SCHIP1: variants seen among roughly 807,000 people sequenced by gnomAD.
The protein encoded by SCHIP1 is schwannomin interacting protein 1, also known as schwannomin-interacting protein 1.
SCHIP1 carries 8 observed loss-of-function variants against 29.7 expected under a neutral mutation model. The ratio of observed to expected loss-of-function variants is 0.27; its 90% confidence interval spans 0.16 to 0.49. SCHIP1 has a LOEUF of 0.49. Among genes scored for constraint, SCHIP1 ranks in the 20% least tolerant of loss-of-function variants. The pLI, the probability that SCHIP1 is intolerant of heterozygous loss-of-function variation, is 0.99. For synonymous variants in SCHIP1, 76 were observed against 94.9 expected (o/e 0.80, Z 1.16); for missense variants, 193 against 294.6 (o/e 0.66, Z 2.52).
chr3:159,450,305 A>C, the SCHIP1 span, among the ~76,000 whole-genome samples: 43 of 152,312 alleles, frequency 2.8e-4, 1 homozygote, highest in African/African-American at 9.9e-4. Context: ...TTCATCCGTA[A>C]GTTCTATTGC....
At chr3:159,585,619 C>T in the SCHIP1 span, among the ~76,000 whole-genome samples, 1 of 152,064 alleles carries the variant, frequency 6.6e-6, no homozygotes, top group Non-Finnish European at 1.5e-5. Context: ...ATTTAATTCT[C>T]CTAAGAAACT....
chr3:159,280,978 C>T, the SCHIP1 span, among the ~76,000 whole-genome samples: 4 of 152,182 alleles, frequency 2.6e-5, no homozygotes, highest in Admixed American at 1.3e-4. Context: ...GAGTAATCCA[C>T]GATTGCATGT....
At chr3:159,584,094 T>C in the SCHIP1 span, among the ~76,000 whole-genome samples, 1 of 152,184 alleles carries the variant, frequency 6.6e-6, no homozygotes, top group Non-Finnish European at 1.5e-5. Context: ...TCACTTAATA[T>C]TCTCCCCACT....
the SCHIP1 span, among the ~76,000 whole-genome samples, chr3:159,545,975 TTACA>T: frequency 1.3e-5 from 2 of 151,966 alleles, no homozygotes; most frequent in Non-Finnish European, 2.9e-5. Flanking sequence ...TGTAGAGGTG[TTACA>T]TATTTTATAA....
chr3:159,637,289 C>A, the SCHIP1 span, among the ~76,000 whole-genome samples: 4 of 151,932 alleles, frequency 2.6e-5, no homozygotes, highest in Non-Finnish European at 5.9e-5. Flanking sequence ...GAACTCAAGA[C>A]TTACTGTGGG....
the SCHIP1 span, among the ~76,000 whole-genome samples, chr3:159,655,163 A>G: frequency 2.0e-5 from 3 of 152,218 alleles, no homozygotes; most frequent in African/African-American, 7.2e-5. Context: ...TTTTATGAAA[A>G]TTGAATATAA....
the SCHIP1 span, among the ~76,000 whole-genome samples, chr3:159,761,907 A>G: frequency 6.6e-6 from 1 of 152,142 alleles, no homozygotes; most frequent in Non-Finnish European, 1.5e-5. Flanking sequence ...AGGAGGTCCT[A>G]ATATTCAAAA....
At chr3:159,729,252 T>C in the SCHIP1 span, among the ~76,000 whole-genome samples, 2 of 152,180 alleles carry the variant, frequency 1.3e-5, no homozygotes, top group South Asian at 4.1e-4. Context: ...AAATTACCTA[T>C]TTTTTCCAAG....
the SCHIP1 span, among the ~76,000 whole-genome samples, chr3:159,404,175 G>C: frequency 6.6e-6 from 1 of 152,142 alleles, no homozygotes; most frequent in African/African-American, 2.4e-5. Flanking sequence ...TCAGAGATGT[G>C]CTGGCTTCGT....
At chr3:159,626,513 A>T in the SCHIP1 span, among the ~76,000 whole-genome samples, 4 of 152,082 alleles carry the variant, frequency 2.6e-5, no homozygotes, top group African/African-American at 7.2e-5. Context: ...GCTCTCTATC[A>T]GTGGTCCAAC....
the SCHIP1 span, among the ~76,000 whole-genome samples, chr3:159,474,808 C>T: frequency 6.6e-6 from 1 of 152,104 alleles, no homozygotes; most frequent in African/African-American, 2.4e-5. Context: ...CAGAGACCTC[C>T]AGTGCAGATA....
At chr3:159,591,930 T>TA in the SCHIP1 span, among the ~76,000 whole-genome samples, 3 of 117,802 alleles carry the variant, frequency 2.5e-5, no homozygotes, top group South Asian at 2.5e-4. Flanking sequence ...GAACTTAAAA[T>TA]AAAAAAAATT....
At chr3:159,586,980 G>A in the SCHIP1 span, among the ~76,000 whole-genome samples, 1 of 152,150 alleles carries the variant, frequency 6.6e-6, no homozygotes, top group African/African-American at 2.4e-5. Flanking sequence ...GAGAGAGGAA[G>A]CTTCTCTCCA....
the SCHIP1 span, among the ~76,000 whole-genome samples, chr3:159,555,210 G>A: frequency 2.0e-5 from 3 of 152,104 alleles, no homozygotes; most frequent in East Asian, 1.9e-4. Context: ...GATACAAGGA[G>A]GATCCAGTAT....
intron 1 of SCHIP1, among the ~76,000 whole-genome samples, chr3:159,845,179 C>T (rs1711616468): frequency 6.6e-6 from 1 of 152,208 alleles, no homozygotes; most frequent in Admixed American, 6.5e-5. Context: ...GAGATGTCTC[C>T]TACCCACACA....
chr3:159,726,217 T>A, the SCHIP1 span, among the ~76,000 whole-genome samples: 1 of 152,220 alleles, frequency 6.6e-6, no homozygotes, highest in Admixed American at 6.5e-5. Context: ...TTGATTTCAT[T>A]ATTTAAAAGC....
the SCHIP1 span, among the ~76,000 whole-genome samples, chr3:159,333,690 G>T: frequency 2.0e-5 from 3 of 152,116 alleles, no homozygotes; most frequent in African/African-American, 7.2e-5. Context: ...AGAGGTATTT[G>T]CTTGAAGTTA....
At chr3:159,481,198 T>C in the SCHIP1 span, among the ~76,000 whole-genome samples, 2 of 152,222 alleles carry the variant, frequency 1.3e-5, no homozygotes, top group South Asian at 4.1e-4. Context: ...TATCAGGCTC[T>C]AGCCCAGACC....
At chr3:159,296,972 T>C in the SCHIP1 span, among the ~76,000 whole-genome samples, 1 of 152,168 alleles carries the variant, frequency 6.6e-6, no homozygotes, top group Non-Finnish European at 1.5e-5. Flanking sequence ...TGTCTACTTC[T>C]ATGGGTTTGA....
Sources: allele counts gnomAD v4.1 joint callset (sites outside exome capture counted in the v4.1 genomes callset), GRCh38; gene constraint gnomAD v4.1.1; transcripts MANE v1.5; gene names NCBI Gene and HGNC (gene_info 2026-07-23, HGNC 2026-07-21).